IQUB: variants seen among roughly 807,000 people sequenced by gnomAD.
The protein encoded by IQUB is IQ motif and ubiquitin domain containing.
A neutral mutation model predicts 86.4 loss-of-function variants in IQUB; 86 were observed. The ratio of observed to expected loss-of-function variants is 1.00; its 90% CI spans 0.84 to 1.19. The LOEUF (loss-of-function observed/expected upper bound fraction) is 1.19. IQUB is among the 50% of genes most tolerant of loss of function. The pLI, the probability that IQUB is intolerant of heterozygous loss-of-function variation, is 0.00. For missense variants in IQUB, 946 were observed against 916.9 expected (o/e 1.03, Z -0.41); for synonymous variants, 289 against 304.5 (o/e 0.95, Z 0.53).
intron 3 of IQUB, among the ~76,000 whole-genome samples, chr7:123,509,295 C>T (rs1411068227): frequency 2.0e-5 from 3 of 152,164 alleles, no homozygotes; most frequent in African/African-American, 7.2e-5. Context: ...ATATCATCCA[C>T]AAAATATAAA....
chr7:123,512,393 A>G (rs1796460103), intron 1 of IQUB, 49 bp from the exon 2 acceptor site: 1 of 1,174,404 alleles, frequency 8.5e-7, no homozygotes, highest in African/African-American at 1.5e-5. Flanking sequence ...AAGTTTCTAC[A>G]CAAAAAATCA....
intron 7 of IQUB, among the ~76,000 whole-genome samples, chr7:123,486,140 G>A (rs1326094823): frequency 6.6e-6 from 1 of 152,122 alleles, no homozygotes; most frequent in Non-Finnish European, 1.5e-5. Flanking sequence ...ACGTTAGACT[G>A]ATATTTTTGA....
Position 123,509,932 on chromosome 7 carries a change from G to A in IQUB, c.501C>T (p.Ile167=). The change falls in exon 3 of 13, where the codon ATC becomes ATT. Residue 167 remains isoleucine, a synonymous_variant. Transcript: ENST00000324698. ...LKDHFSHLLG[I]PHSVLQIRYS... ...ATCTTATCTGCAGTACAGAATGTGG[G>A]ATACCTAATAAGTGTGAAAAATGGT... 1.9e-6 allele frequency: 3 copies of A among 1,609,224 alleles called. No homozygotes were observed. Among genetic ancestry groups the A allele is most frequent in the Non-Finnish European group, 2.5e-6 (3 of 1,177,806 alleles).
Position 123,502,676 on chromosome 7 carries a change from A to G in IQUB, c.944T>C (p.Val315Ala), listed in dbSNP as rs1271424517. The G allele has an allele frequency of 1.9e-6, 3 of 1,612,066 alleles. No individual in the cohort carries two copies. The South Asian group carries it at 3.3e-5, about 18-fold the overall frequency. Reference protein sequence around the residue: ...STQMTNIGVYVSNMTDKLVTP... With the variant: ...STQMTNIGVYASNMTDKLVTP... The stretch of plus-strand genomic sequence containing the variant: ...TACCAGTTTATCAGTCATATTTGAT[A>G]CATATACACCAATGTTAGTCATCTG... The change falls in exon 6 of 13, where the codon GTA becomes GCA. Residue 315 changes from valine to alanine, a missense_variant. Transcript: ENST00000324698.
intron 8 of IQUB, among the ~76,000 whole-genome samples, chr7:123,472,112 C>A (rs1794548772): frequency 6.6e-6 from 1 of 151,926 alleles, no homozygotes; most frequent in Non-Finnish European, 1.5e-5. Flanking sequence ...GTGGCACTCA[C>A]CTGTAATCCC....
chr7:123,496,556 C>T (rs997311802), intron 7 of IQUB, 140 bp downstream of exon 7: 3 of 547,282 alleles, frequency 5.5e-6, no homozygotes, highest in South Asian at 2.7e-5. Flanking sequence ...AAGTGGTATT[C>T]ATCTTTCAAA....
At chr7:123,508,818 TC>T (rs1796299348) in intron 3 of IQUB, among the ~76,000 whole-genome samples, 1 of 152,086 alleles carries the variant, frequency 6.6e-6, no homozygotes, top group Non-Finnish European at 1.5e-5. Context: ...GGTTTCCTTC[TC>T]CCCAAAAAAG....
At chr7:123,462,086 T>C (rs1794017963) in intron 10 of IQUB, among the ~76,000 whole-genome samples, 1 of 151,850 alleles carries the variant, frequency 6.6e-6, no homozygotes. Context: ...TGAAATTCTA[T>C]GTCTAAAGCA....
At chr7:123,496,139 G>A (rs965862104) in intron 7 of IQUB, among the ~76,000 whole-genome samples, 2 of 152,116 alleles carry the variant, frequency 1.3e-5, no homozygotes, top group African/African-American at 4.8e-5. Flanking sequence ...CCTGGGTAAA[G>A]AGTGCCTGGC....
intron 1 of IQUB, among the ~76,000 whole-genome samples, chr7:123,531,334 C>A (rs1282295802): frequency 6.6e-6 from 1 of 152,026 alleles, no homozygotes; most frequent in Non-Finnish European, 1.5e-5. Context: ...AATGTTCCAA[C>A]TAAAGAAAAA....
chr7:123,497,014 A>C (rs1021965459), intron 6 of IQUB, 108 bp from the exon 7 acceptor site: 2 of 679,626 alleles, frequency 2.9e-6, no homozygotes, highest in African/African-American at 3.7e-5. Context: ...AAAATAACTG[A>C]GTCTAGTTTT....
At chr7:123,526,143 A>G (rs1797195649) in intron 1 of IQUB, among the ~76,000 whole-genome samples, 1 of 141,282 alleles carries the variant, frequency 7.1e-6, no homozygotes, top group African/African-American at 2.5e-5. Context: ...ATTTTGGAAT[A>G]GGTGTGGTGT....
chr7:123,495,247 T>C (rs1419314153), intron 7 of IQUB, among the ~76,000 whole-genome samples: 1 of 152,108 alleles, frequency 6.6e-6, no homozygotes, highest in East Asian at 1.9e-4. Flanking sequence ...ATAGTAGTTG[T>C]AAATATTTAC....
At position 123,530,479 on chromosome 7, in the gene IQUB, A is replaced by C. The variant is rs184996519; in HGVS notation, c.-5+4013T>G. ...AAAACAACAACAAACAACAACAACA[A>C]CACCAAAAAACCCTCCAACTCAAAA... is the stretch of plus-strand genomic sequence containing the variant. On this transcript the variant is annotated intron_variant, in intron 1 of 12. Coordinates refer to ENST00000324698, the MANE Select transcript of IQUB (RefSeq NM_178827.5). 2.5e-3 allele frequency among the ~76,000 whole-genome samples: 373 copies of C among 152,068 alleles called. 2 individuals carry two copies. Among genetic ancestry groups the C allele is most frequent in the Middle Eastern group, 6.8e-3 (2 of 294 alleles).
chr7:123,464,923 G>A lies in IQUB; in HGVS notation c.1668C>T (p.Asn556=). Reference sequence around the variant, plus strand: ...CAATTCTTTTTCTGAGTCCTTCAAGGTTATGATGTTTGACTCCTCTCATCA... The same window carrying A: ...CAATTCTTTTTCTGAGTCCTTCAAGATTATGATGTTTGACTCCTCTCATCA... ...DLMMRGVKHH[N]LEGLRKRIAT... Residue 556 remains asparagine (N), a synonymous_variant, in exon 10 of 13, where the codon AAC becomes AAT. Transcript: ENST00000324698. The A allele has an allele frequency of 1.2e-6, 2 of 1,603,862 alleles. No individual in the cohort carries two copies. The highest frequency in any genetic ancestry group is 1.7e-6 in the Non-Finnish European group (2 of 1,174,014).
chr7:123,512,364 C>A lies in IQUB; in HGVS notation c.-4-20G>T. 7.0e-7 allele frequency: 1 copy of A among 1,437,950 alleles called. No homozygotes were observed. Among genetic ancestry groups the A allele is most frequent in the South Asian group, 1.4e-5 (1 of 73,452 alleles). 89.1% of individuals were successfully genotyped at this position (1,437,950 alleles called of 1,614,324 possible). A position where few individuals can be genotyped will look rare whatever the true frequency, so the allele number is the denominator to read the frequency against. On this transcript the variant is annotated intron_variant, in intron 1 of 12. Coordinates refer to ENST00000324698, the MANE Select transcript of IQUB (RefSeq NM_178827.5). ...ATTTTCCTGAATTAAGAAAAATAAA[C>A]ACATTTACTACATAGATGAAGTTTC...
chr7:123,512,793 C>G lies in IQUB; in HGVS notation c.-4-449G>C, dbSNP rs139622730. The stretch of plus-strand genomic sequence containing the variant: ...ACTTTTTGTAGTAGCTCTGCTCTTA[C>G]AAATTGTAGCAGAGGTCTACAGTGA... On this transcript the variant is annotated intron_variant, in intron 1 of 12. Transcript: ENST00000324698. 1.9e-3 allele frequency among the ~76,000 whole-genome samples: 288 copies of G among 152,214 alleles called. 2 individuals are homozygous for G. The highest frequency in any genetic ancestry group is 6.6e-3 in the African/African-American group (275 of 41,544).
At chr7:123,524,572 A>G (rs184622621) in intron 1 of IQUB, among the ~76,000 whole-genome samples, 46,330 of 135,656 alleles carry the variant, frequency 0.34, 8,328 homozygotes, top group African/African-American at 0.42. Context: ...CTTTGCTGAA[A>G]TTGCTTATCA....
At chr7:123,461,672 C>T in intron 10 of IQUB, 67 bp from the exon 11 acceptor site, 4 of 1,330,354 alleles carry the variant, frequency 3.0e-6, no homozygotes, top group Non-Finnish European at 4.0e-6. Context: ...ATGATCCTAA[C>T]CAATGGAAGC....
Sources: allele counts gnomAD v4.1 joint callset (sites outside exome capture counted in the v4.1 genomes callset), GRCh38; gene constraint gnomAD v4.1.1; transcripts MANE v1.5; gene names NCBI Gene and HGNC (gene_info 2026-07-23, HGNC 2026-07-21).